EEFSEC: variants seen among roughly 807,000 people sequenced by gnomAD.
The protein encoded by EEFSEC is eukaryotic elongation factor, selenocysteine-tRNA specific, also known as selenocysteine-specific elongation factor.
EEFSEC carries 43 observed loss-of-function variants against 42.1 expected under a neutral mutation model. The observed-to-expected ratio is 1.02, with a 90% CI of 0.80 to 1.32. The LOEUF is 1.32. Among genes scored for constraint, EEFSEC ranks in the 40% most tolerant of loss-of-function variants. The pLI, the probability that EEFSEC is intolerant of heterozygous loss-of-function variation, is 0.00. For synonymous variants in EEFSEC, 354 were observed against 339.1 expected (o/e 1.04, Z -0.48); for missense variants, 745 against 803.6 (o/e 0.93, Z 0.88).
At chr3:128,318,199 G>C (rs2066968988) in intron 4 of EEFSEC, among the ~76,000 whole-genome samples, 1 of 152,250 alleles carries the variant, frequency 6.6e-6, no homozygotes, top group African/African-American at 2.4e-5. Flanking sequence ...TGTGAGGCAA[G>C]GGGGGTTAGA....
At chr3:128,165,721 A>C (rs952857622) in intron 1 of EEFSEC, among the ~76,000 whole-genome samples, 7 of 152,194 alleles carry the variant, frequency 4.6e-5, no homozygotes, top group African/African-American at 1.4e-4. Flanking sequence ...TTAAAGATAA[A>C]CCTGACTTTT....
chr3:128,272,336 C>A (rs1026733242), intron 4 of EEFSEC, among the ~76,000 whole-genome samples: 14 of 152,212 alleles, frequency 9.2e-5, no homozygotes, highest in Non-Finnish European at 1.8e-4. Flanking sequence ...AGGGACATGT[C>A]CTAGGGGTTT....
chr3:128,383,067 AT>A (rs1317560911), intron 6 of EEFSEC, among the ~76,000 whole-genome samples: 1 of 151,332 alleles, frequency 6.6e-6, no homozygotes, highest in Non-Finnish European at 1.5e-5. Flanking sequence ...CTCAGATCTC[AT>A]TGCCTCTGAG....
chr3:128,410,131 C>A (rs115519186), downstream of EEFSEC, among the ~76,000 whole-genome samples: 6,630 of 152,278 alleles, frequency 0.044, 490 homozygotes, highest in African/African-American at 0.15. Flanking sequence ...GGTCACCTCC[C>A]AGCACAGATC....
intron 4 of EEFSEC, among the ~76,000 whole-genome samples, chr3:128,306,936 G>C (rs2066833912): frequency 6.6e-6 from 1 of 152,236 alleles, no homozygotes; most frequent in Admixed American, 6.5e-5. Flanking sequence ...TGAAACCCCA[G>C]GTCACCCTGC....
intron 1 of EEFSEC, among the ~76,000 whole-genome samples, chr3:128,223,262 G>T (rs2065878131): frequency 1.3e-5 from 2 of 152,210 alleles, no homozygotes; most frequent in Admixed American, 6.5e-5. Context: ...CACCCCATGT[G>T]TCTCTTCATT....
rs375889748 is a variant in EEFSEC at position 128,234,679 on chromosome 3, G to A, written c.317-12157G>A. Among the ~76,000 whole-genome samples the A allele has an allele frequency of 1.2e-4, 19 of 152,334 alleles. 1 individual carries two copies. The highest frequency in any genetic ancestry group is 8.5e-4 in the Admixed American group (13 of 15,304). On this transcript the variant is annotated intron_variant, in intron 1 of 6. Coordinates refer to ENST00000254730, the MANE Select transcript of EEFSEC (RefSeq NM_021937.5). ...CTGCTACCCTCCCACCCTGCCTTAG[G>A]TGGATTGTCTAACTTGTAGATCAAA... is the stretch of plus-strand genomic sequence containing the variant.
At chr3:128,291,402 G>GT (rs747859535) in intron 4 of EEFSEC, among the ~76,000 whole-genome samples, 52 of 152,162 alleles carry the variant, frequency 3.4e-4, no homozygotes, top group Admixed American at 5.9e-4. Context: ...GACTAATACT[G>GT]TTATCCCTTT....
In EEFSEC at chr3:128,323,796, G is replaced by A. The variant is rs560519793; in HGVS notation, c.787-17437G>A. 8.7e-4 allele frequency among the ~76,000 whole-genome samples: 132 copies of A among 152,288 alleles called. 1 individual carries two copies. Among genetic ancestry groups the A allele is most frequent in the African/African-American group, 3.0e-3 (123 of 41,552 alleles). On this transcript the variant is annotated intron_variant, in intron 4 of 6. Transcript: ENST00000254730. The stretch of plus-strand genomic sequence containing the variant: ...CATGACCCTGGAAAATCACTTGGGC[G>A]GCTGCCATGTTGAATGCCAGCCCAT...
chr3:128,369,265 A>G (rs2067626018), intron 6 of EEFSEC, among the ~76,000 whole-genome samples: 1 of 152,228 alleles, frequency 6.6e-6, no homozygotes, highest in African/African-American at 2.4e-5. Context: ...ACAGGACACG[A>G]TGAGCCCTGA....
At chr3:128,242,531 A>G (rs534142389) in intron 1 of EEFSEC, among the ~76,000 whole-genome samples, 1 of 152,242 alleles carries the variant, frequency 6.6e-6, no homozygotes, top group East Asian at 1.9e-4. Context: ...GGTTGCTAAA[A>G]TATGTTCAAA....
chr3:128,339,229 G>A (rs544128198), intron 4 of EEFSEC, among the ~76,000 whole-genome samples: 6 of 152,290 alleles, frequency 3.9e-5, no homozygotes, highest in African/African-American at 1.4e-4. Context: ...CCTCTGGTTA[G>A]GTAGTTAATG....
At chr3:128,273,072 C>G (rs2066431148) in intron 4 of EEFSEC, among the ~76,000 whole-genome samples, 2 of 152,196 alleles carry the variant, frequency 1.3e-5, no homozygotes, top group African/African-American at 2.4e-5. Context: ...TTGACGTAAG[C>G]CTCACTGTCT....
intron 4 of EEFSEC, among the ~76,000 whole-genome samples, chr3:128,273,178 G>A (rs1235156448): frequency 6.6e-6 from 1 of 152,156 alleles, no homozygotes; most frequent in Non-Finnish European, 1.5e-5. Flanking sequence ...GGGGTGGTCT[G>A]AGCTCTGCAT....
At chr3:128,176,600 T>G (rs2065350557) in intron 1 of EEFSEC, among the ~76,000 whole-genome samples, 1 of 152,174 alleles carries the variant, frequency 6.6e-6, no homozygotes, top group South Asian at 2.1e-4. Flanking sequence ...TTGAAATAAT[T>G]TATGCATTAA....
At chr3:128,325,567 C>A (rs1000751625) in intron 4 of EEFSEC, among the ~76,000 whole-genome samples, 1 of 152,152 alleles carries the variant, frequency 6.6e-6, no homozygotes, top group African/African-American at 2.4e-5. Flanking sequence ...GCCTCAGGAG[C>A]CAGGCACAAC....
Position 128,220,199 on chromosome 3 carries a change from A to G in EEFSEC, c.317-26637A>G, listed in dbSNP as rs140260926. On this transcript the variant is annotated intron_variant, in intron 1 of 6. Coordinates refer to ENST00000254730, the MANE Select transcript of EEFSEC (RefSeq NM_021937.5). ...GTGGAGCAGAGACTTGAACCCAGTCATTCTGGCTCCAGAGTCTGTGCTCCC... is the reference window on the plus strand; with the variant it reads ...GTGGAGCAGAGACTTGAACCCAGTCGTTCTGGCTCCAGAGTCTGTGCTCCC... Among the ~76,000 whole-genome samples the G allele has an allele frequency of 1.1e-3, 174 of 152,338 alleles. 1 individual carries two copies. The highest frequency in any genetic ancestry group is 6.8e-3 in the Middle Eastern group (2 of 294).
chr3:128,205,241 T>C (rs1236667609), intron 1 of EEFSEC, among the ~76,000 whole-genome samples: 1 of 152,224 alleles, frequency 6.6e-6, no homozygotes, highest in Non-Finnish European at 1.5e-5. Context: ...ACCCCTCCTC[T>C]GGGCCATGTA....
chr3:128,425,341 G>C, the EEFSEC span, among the ~76,000 whole-genome samples: 1 of 152,344 alleles, frequency 6.6e-6, no homozygotes, highest in African/African-American at 2.4e-5. Flanking sequence ...CGTCCCAGCA[G>C]CTCCTTGGGT....
Sources: gnomAD v4.1 joint callset for allele counts (sites outside exome capture counted in the v4.1 genomes callset) on GRCh38, gnomAD v4.1.1 for gene constraint, MANE v1.5 for transcripts, NCBI Gene and HGNC (gene_info 2026-07-23, HGNC 2026-07-21) for gene names.